ASTN1: variants seen among roughly 807,000 people sequenced by gnomAD.
ASTN1 encodes astrotactin-1.
Under a neutral mutation model 140.7 loss-of-function variants are expected in ASTN1, and 41 were observed. That is an observed-to-expected ratio of 0.29 (90% CI 0.23 to 0.38). The LOEUF (loss-of-function observed/expected upper bound fraction) is 0.38, where lower values mean the gene tolerates loss of function less well. Ranked by LOEUF, ASTN1 falls within the 10% of genes least tolerant of loss-of-function variation. ASTN1 has a pLI of 1.00. For synonymous variants in ASTN1, 640 were observed against 652.2 expected (o/e 0.98, Z 0.29); for missense variants, 1,479 against 1,678.8 (o/e 0.88, Z 2.08).
chr1:177,115,493 C>A (rs1284222132), intron 1 of ASTN1, among the ~76,000 whole-genome samples: 3 of 151,906 alleles, frequency 2.0e-5, no homozygotes, highest in African/African-American at 7.3e-5. Flanking sequence ...CCTACCTCTA[C>A]TAAAAATACA....
At chr1:177,092,437 C>G (rs1393384979) in intron 1 of ASTN1, among the ~76,000 whole-genome samples, 1 of 152,186 alleles carries the variant, frequency 6.6e-6, no homozygotes, top group Non-Finnish European at 1.5e-5. Context: ...AATATTTTCT[C>G]CCATACTGTG....
chr1:176,886,768 C>A (rs1372779052), intron 18 of ASTN1, among the ~76,000 whole-genome samples: 1 of 152,200 alleles, frequency 6.6e-6, no homozygotes, highest in African/African-American at 2.4e-5. Flanking sequence ...TGCTGCTTTC[C>A]TAAGCGGTCT....
intron 16 of ASTN1, among the ~76,000 whole-genome samples, chr1:176,901,848 G>A (rs1422550098): frequency 6.6e-6 from 1 of 152,144 alleles, no homozygotes; most frequent in African/African-American, 2.4e-5. Context: ...GAATCCAAAG[G>A]GTTTATGTTC....
chr1:177,029,563 C>T lies in ASTN1; in HGVS notation c.1120+71G>A, dbSNP rs1221917015. ...ATAGAGCCCACAACCCAACCCAACA[C>T]CTCTTCGCCTTCCCCCGCCTCCCTC... On this transcript the variant is annotated intron_variant, in intron 5 of 22. Coordinates refer to ENST00000361833, the MANE Select transcript of ASTN1 (RefSeq NM_004319.3). The T allele has an allele frequency of 2.0e-6, 3 of 1,489,478 alleles. No individual in the cohort carries two copies. In the African/African-American group the frequency reaches 4.2e-5, roughly 21 times the overall value. The allele number at this position is 1,489,478 out of a possible 1,614,324, so 92.3% of individuals were successfully genotyped here.
chr1:176,948,066 T>C (rs903028400), intron 12 of ASTN1, among the ~76,000 whole-genome samples: 1 of 152,094 alleles, frequency 6.6e-6, no homozygotes, highest in Non-Finnish European at 1.5e-5. Context: ...AGAAATAAAA[T>C]GAAACACAAT....
intron 20 of ASTN1, among the ~76,000 whole-genome samples, chr1:176,878,913 G>A (rs561785921): frequency 5.3e-5 from 8 of 152,178 alleles, no homozygotes; most frequent in Non-Finnish European, 7.4e-5. Flanking sequence ...GCCCGAGTGA[G>A]CCCCCTTCTC....
chr1:176,891,499 A>C (rs953088210), intron 17 of ASTN1, among the ~76,000 whole-genome samples: 1 of 152,234 alleles, frequency 6.6e-6, no homozygotes, highest in Non-Finnish European at 1.5e-5. Flanking sequence ...ATGCTATAAA[A>C]GATGTAGATA....
intron 8 of ASTN1, among the ~76,000 whole-genome samples, chr1:177,006,854 T>C (rs947989483): frequency 6.6e-6 from 1 of 152,164 alleles, no homozygotes; most frequent in Non-Finnish European, 1.5e-5. Flanking sequence ...GGGATGAAGA[T>C]GTATCCCTCA....
intron 2 of ASTN1, among the ~76,000 whole-genome samples, chr1:177,049,309 T>C (rs73047020): frequency 0.081 from 12,316 of 152,254 alleles, 1,038 homozygotes; most frequent in African/African-American, 0.22. Context: ...TATCATTTAT[T>C]TGTATAAAAT....
intron 8 of ASTN1, among the ~76,000 whole-genome samples, chr1:176,981,116 G>A (rs1673592095): frequency 6.8e-6 from 1 of 147,376 alleles, no homozygotes. Flanking sequence ...GGAGGCTGAG[G>A]CAGGAGAATC....
chr1:176,920,838 C>T (rs1670693659), intron 16 of ASTN1, among the ~76,000 whole-genome samples: 1 of 152,226 alleles, frequency 6.6e-6, no homozygotes, highest in Admixed American at 6.5e-5. Context: ...GCACTCAATA[C>T]ACCTTTTTGA....
intron 1 of ASTN1, among the ~76,000 whole-genome samples, chr1:177,070,311 C>G (rs1266837253): frequency 6.6e-6 from 1 of 152,198 alleles, no homozygotes; most frequent in East Asian, 1.9e-4. Flanking sequence ...AATCCTCTGT[C>G]TTATACTCCT....
At chr1:177,162,015 A>G (rs768084641) in intron 1 of ASTN1, among the ~76,000 whole-genome samples, 18 of 152,084 alleles carry the variant, frequency 1.2e-4, no homozygotes, top group Non-Finnish European at 2.4e-4. Flanking sequence ...CTGAGCAGGT[A>G]CAACTCAATA....
In ASTN1 at chr1:177,125,959, TTATTTCTAA is replaced by T. The variant is rs1300580595; in HGVS notation, c.283+38426_283+38434del. Among the ~76,000 whole-genome samples the T allele has an allele frequency of 2.0e-5, 3 of 152,208 alleles. 1 individual carries two copies. The highest frequency in any genetic ancestry group is 7.2e-5 in the African/African-American group (3 of 41,444). ...TCCTTCAAGCTTCAAAGGATGCCCT[TTATTTCTAA>T]TATTCCAAGATGTTATGAACAAATC... On this transcript the variant is annotated intron_variant, in intron 1 of 22. Transcript: ENST00000361833.
rs116119102 is a variant in ASTN1, at chr1:176,905,352, G to C, written c.2672-10522C>G. Among the ~76,000 whole-genome samples, 421 of 152,236 alleles carry C rather than the reference G, an allele frequency of 2.8e-3. 2 individuals carry two copies. The highest frequency in any genetic ancestry group is 9.8e-3 in the African/African-American group (405 of 41,536). The stretch of plus-strand genomic sequence containing the variant: ...AATGCCTTGCTGAGATGCTGCAAAG[G>C]CTGGCTCATAAATATCTTTAACTAC... On this transcript the variant is annotated intron_variant, in intron 16 of 22. Coordinates refer to ENST00000361833, the MANE Select transcript of ASTN1 (RefSeq NM_004319.3).
chr1:177,092,908 C>T (rs1359442703), intron 1 of ASTN1, among the ~76,000 whole-genome samples: 1 of 152,126 alleles, frequency 6.6e-6, no homozygotes, highest in African/African-American at 2.4e-5. Context: ...TATATCTGTG[C>T]TTATGCTAGT....
At chr1:176,969,145 A>C (rs1250274202) in intron 8 of ASTN1, among the ~76,000 whole-genome samples, 1 of 152,112 alleles carries the variant, frequency 6.6e-6, no homozygotes, top group Non-Finnish European at 1.5e-5. Context: ...GAAAGTAAGA[A>C]ACCCCCCCGC....
At chr1:177,103,469 G>A (rs1396485417) in intron 1 of ASTN1, among the ~76,000 whole-genome samples, 4 of 152,156 alleles carry the variant, frequency 2.6e-5, no homozygotes, top group Non-Finnish European at 5.9e-5. Context: ...CACTGGGGAG[G>A]CTGGTAAGGG....
chr1:176,867,227 T>C (rs1221196834), intron 22 of ASTN1, among the ~76,000 whole-genome samples: 1 of 152,158 alleles, frequency 6.6e-6, no homozygotes, highest in Non-Finnish European at 1.5e-5. Flanking sequence ...GCAATGTTAG[T>C]GCCTTTCAAA....
Sources: allele counts gnomAD v4.1 joint callset (sites outside exome capture counted in the v4.1 genomes callset), GRCh38; gene constraint gnomAD v4.1.1; transcripts MANE v1.5; gene names NCBI Gene and HGNC (gene_info 2026-07-23, HGNC 2026-07-21).